PDE4D: variants seen among roughly 807,000 people sequenced by gnomAD.
PDE4D encodes 3',5'-cyclic-AMP phosphodiesterase 4D.
PDE4D carries 24 observed loss-of-function variants against 87.4 expected under a neutral mutation model. The observed-to-expected ratio is 0.27, with a 90% CI of 0.20 to 0.39. PDE4D has a LOEUF of 0.39. PDE4D is among the 10% of genes least tolerant of loss of function. PDE4D has a pLI of 1.00. For synonymous variants in PDE4D, 384 were observed against 383.2 expected, an observed-to-expected ratio of 1.00 and a Z score of -0.02; for missense variants, 714 against 1,041.0, an observed-to-expected ratio of 0.69 and a Z score of 4.32.
intron 1 of PDE4D, among the ~76,000 whole-genome samples, chr5:60,252,327 A>T (rs538973517): frequency 6.6e-6 from 1 of 151,924 alleles, no homozygotes; most frequent in South Asian, 2.1e-4. Flanking sequence ...TTATGGATGA[A>T]ATAGTTTCTT....
intron 1 of PDE4D, among the ~76,000 whole-genome samples, chr5:60,433,893 GAGA>G (rs1744558689): frequency 2.0e-5 from 3 of 152,300 alleles, no homozygotes; most frequent in South Asian, 2.1e-4. Flanking sequence ...ACACAACGAA[GAGA>G]AGGACAGACA....
intron 2 of PDE4D, among the ~76,000 whole-genome samples, chr5:60,062,152 A>C (rs1356667483): frequency 6.6e-6 from 1 of 152,184 alleles, no homozygotes; most frequent in Non-Finnish European, 1.5e-5. Context: ...ACATTTTTGC[A>C]ATCTACCCAT....
At chr5:59,705,420 C>A (rs1328120048) in intron 1 of PDE4D, among the ~76,000 whole-genome samples, 1 of 152,128 alleles carries the variant, frequency 6.6e-6, no homozygotes, top group African/African-American at 2.4e-5. Context: ...GAAGGCAAGC[C>A]TGAAATGCAA....
intron 1 of PDE4D, among the ~76,000 whole-genome samples, chr5:59,433,678 G>C (rs982895689): frequency 1.3e-5 from 2 of 151,932 alleles, no homozygotes; most frequent in Admixed American, 6.6e-5. Flanking sequence ...TGTTTTGTTT[G>C]TTTTTGCATA....
At chr5:59,128,699 C>T (rs1377815330) in intron 5 of PDE4D, among the ~76,000 whole-genome samples, 1 of 152,200 alleles carries the variant, frequency 6.6e-6, no homozygotes, top group East Asian at 1.9e-4. Context: ...TTGGTATCCA[C>T]CAACCAAATA....
intron 1 of PDE4D, among the ~76,000 whole-genome samples, chr5:60,334,705 G>T (rs942828275): frequency 1.3e-5 from 2 of 151,644 alleles, no homozygotes; most frequent in African/African-American, 4.8e-5. Context: ...CAGCTGCCAG[G>T]ATGGAAAGAA....
At chr5:59,587,078 A>G in intron 1 of PDE4D, 1 of 741,018 alleles carries the variant, frequency 1.3e-6, no homozygotes, top group Non-Finnish European at 1.6e-6. Context: ...CAAGATTACC[A>G]TTAACTACCA....
At chr5:60,062,162 T>G (rs551821435) in intron 2 of PDE4D, among the ~76,000 whole-genome samples, 1 of 152,090 alleles carries the variant, frequency 6.6e-6, no homozygotes, top group South Asian at 2.1e-4. Flanking sequence ...AATCTACCCA[T>G]CTGACAAAGG....
At chr5:59,087,708 C>G (rs1288530218) in intron 5 of PDE4D, among the ~76,000 whole-genome samples, 1 of 152,100 alleles carries the variant, frequency 6.6e-6, no homozygotes, top group African/African-American at 2.4e-5. Context: ...GTAGTTACCT[C>G]TCTCACTCCT....
intron 6 of PDE4D, among the ~76,000 whole-genome samples, chr5:59,023,963 C>G (rs1312571413): frequency 6.9e-6 from 1 of 144,904 alleles, no homozygotes; most frequent in East Asian, 2.0e-4. Context: ...AGTGCAGTGG[C>G]GCCATCTCCA....
intron 1 of PDE4D, among the ~76,000 whole-genome samples, chr5:59,683,129 GAATT>G (rs138875353): frequency 0.03 from 4,610 of 152,120 alleles, 229 homozygotes; most frequent in African/African-American, 0.11. Flanking sequence ...ATGTTTTTAG[GAATT>G]ATTTAAGTAT....
chr5:59,455,146 C>A (rs1421736464), intron 1 of PDE4D, among the ~76,000 whole-genome samples: 1 of 152,186 alleles, frequency 6.6e-6, no homozygotes, highest in Non-Finnish European at 1.5e-5. Flanking sequence ...AACGGGGAAC[C>A]AATTGTTAAC....
rs538321563 is a variant in PDE4D at position 59,972,342 on chromosome 5, C to A, written c.272+16146G>T. ...CCAGTTGTCTACCCTAAGACCTTAC[C>A]TCTCTTGACTTCTCATCCCCCCAGC... On this transcript the variant is annotated intron_variant, in intron 3 of 16. Transcript: ENST00000502484. 2.9e-3 allele frequency among the ~76,000 whole-genome samples: 436 copies of A among 152,260 alleles called. 6 individuals are homozygous for A. Among genetic ancestry groups the A allele is most frequent in the Non-Finnish European group, 2.8e-3 (190 of 68,026 alleles).
At chr5:59,523,362 A>G (rs1048263943) in intron 1 of PDE4D, among the ~76,000 whole-genome samples, 6 of 152,272 alleles carry the variant, frequency 3.9e-5, no homozygotes, top group Non-Finnish European at 8.8e-5. Flanking sequence ...CTAAGATATT[A>G]CGCAAACTAA....
chr5:60,208,756 G>C (rs1413245276), intron 1 of PDE4D, among the ~76,000 whole-genome samples: 1 of 152,210 alleles, frequency 6.6e-6, no homozygotes, highest in Non-Finnish European at 1.5e-5. Flanking sequence ...CATCATTAAT[G>C]CATCAAAGTG....
At chr5:60,162,642 G>C (rs1268338057) in intron 2 of PDE4D, among the ~76,000 whole-genome samples, 1 of 152,004 alleles carries the variant, frequency 6.6e-6, no homozygotes, top group African/African-American at 2.4e-5. Context: ...AATTCCTGGA[G>C]CCCTTCCCAG....
At chr5:59,421,801 A>G (rs1191606087) in intron 1 of PDE4D, among the ~76,000 whole-genome samples, 1 of 152,168 alleles carries the variant, frequency 6.6e-6, no homozygotes, top group African/African-American at 2.4e-5. Flanking sequence ...GAATGAATTT[A>G]ATGTTTCTCC....
At chr5:59,405,892 G>A (rs1043225034) in intron 1 of PDE4D, among the ~76,000 whole-genome samples, 4 of 152,258 alleles carry the variant, frequency 2.6e-5, no homozygotes, top group Admixed American at 6.5e-5. Context: ...ACTTGGTCAC[G>A]ATGACTAATC....
intron 1 of PDE4D, among the ~76,000 whole-genome samples, chr5:60,216,677 A>G (rs1743883804): frequency 6.6e-6 from 1 of 152,128 alleles, no homozygotes; most frequent in Non-Finnish European, 1.5e-5. Flanking sequence ...CTTTAAATCA[A>G]AAAAACTGCA....
Sources: allele counts gnomAD v4.1 joint callset (sites outside exome capture counted in the v4.1 genomes callset), GRCh38; gene constraint gnomAD v4.1.1; transcripts MANE v1.5; gene names NCBI Gene and HGNC (gene_info 2026-07-23, HGNC 2026-07-21).